The following IGF2BP2 variants were observed in gnomAD, a reference collection of about 807,000 sequenced individuals.
IGF2BP2 encodes insulin-like growth factor 2 mRNA-binding protein 2.
Under a neutral mutation model 75.8 loss-of-function variants are expected in IGF2BP2, and 17 were observed. The ratio of observed to expected loss-of-function variants is 0.22; its 90% CI spans 0.15 to 0.34. The LOEUF is 0.34. Among genes scored for constraint, IGF2BP2 ranks in the 10% least tolerant of loss-of-function variants. The probability of loss-of-function intolerance (pLI) is 1.00; values close to 1 mark genes in which losing one functional copy is unlikely to be tolerated. For synonymous variants in IGF2BP2, 288 were observed against 295.6 expected, an observed-to-expected ratio of 0.97 and a Z score of 0.26; for missense variants, 516 against 772.4, an observed-to-expected ratio of 0.67 and a Z score of 3.93.
chr3:185,691,287 G>A (rs918354161), intron 5 of IGF2BP2, among the ~76,000 whole-genome samples: 19 of 150,904 alleles, frequency 1.3e-4, no homozygotes, highest in African/African-American at 4.4e-4. Flanking sequence ...TAGTAGAGAT[G>A]GGGTTTCTCC....
intron 2 of IGF2BP2, among the ~76,000 whole-genome samples, chr3:185,745,431 T>C (rs769579787): frequency 2.0e-5 from 3 of 152,164 alleles, no homozygotes; most frequent in African/African-American, 4.8e-5. Context: ...AGAGGTTTTA[T>C]AAATATTTAC....
chr3:185,821,222 TA>T, intron 2 of IGF2BP2: 1 of 1,099,094 alleles, frequency 9.1e-7, no homozygotes, highest in Non-Finnish European at 1.2e-6. Flanking sequence ...GTAACTCCTC[TA>T]GAGCAGCAGC....
intron 2 of IGF2BP2, among the ~76,000 whole-genome samples, chr3:185,727,296 ACGCAGAGC>A (rs1403874868): frequency 7.9e-5 from 12 of 152,070 alleles, no homozygotes; most frequent in African/African-American, 2.9e-4. Context: ...AGCAAGGGAG[ACGCAGAGC>A]CCTCCGGAAG....
At chr3:185,799,852 T>C (rs1737968606) in intron 2 of IGF2BP2, among the ~76,000 whole-genome samples, 1 of 152,082 alleles carries the variant, frequency 6.6e-6, no homozygotes, top group Non-Finnish European at 1.5e-5. Flanking sequence ...AGTTCAACCA[T>C]TGTGGAAGAC....
chr3:185,722,536 A>AC, intron 2 of IGF2BP2: 1 of 273,012 alleles, frequency 3.7e-6, no homozygotes. Flanking sequence ...GCTTGGAAGT[A>AC]AGTGATATGG....
intron 2 of IGF2BP2, among the ~76,000 whole-genome samples, chr3:185,810,765 C>T (rs1030523097): frequency 7.3e-6 from 1 of 137,424 alleles, no homozygotes; most frequent in Non-Finnish European, 1.5e-5. Context: ...CAGCGAGACT[C>T]TGTCTCAAAA....
At chr3:185,718,167 CA>C (rs2149451170) in intron 2 of IGF2BP2, 1 of 152,356 alleles carries the variant, frequency 6.6e-6, no homozygotes, top group African/African-American at 2.4e-5. Context: ...TCAAAACACC[CA>C]ATTTGTTTCC....
intron 2 of IGF2BP2, among the ~76,000 whole-genome samples, chr3:185,768,523 C>T (rs576359808): frequency 3.7e-4 from 56 of 152,206 alleles, no homozygotes; most frequent in Middle Eastern, 3.4e-3. Flanking sequence ...TTTAATACTA[C>T]TTAAATATTT....
chr3:185,687,345 G>A (rs1335408389), intron 6 of IGF2BP2, among the ~76,000 whole-genome samples, 154 bp from the exon 7 acceptor site: 2 of 152,236 alleles, frequency 1.3e-5, no homozygotes, highest in Non-Finnish European at 2.9e-5. Context: ...CTCCAAGAAG[G>A]AGGCAAGCAG....
At chr3:185,693,834 G>A (rs1722247774) in intron 4 of IGF2BP2, among the ~76,000 whole-genome samples, 1 of 152,146 alleles carries the variant, frequency 6.6e-6, no homozygotes, top group African/African-American at 2.4e-5. Flanking sequence ...TAAACCTGCT[G>A]TCCAAAGTAA....
At chr3:185,799,834 T>C (rs928699850) in intron 2 of IGF2BP2, among the ~76,000 whole-genome samples, 2 of 150,434 alleles carry the variant, frequency 1.3e-5, no homozygotes, top group Non-Finnish European at 3.0e-5. Context: ...TTGGTGGGAG[T>C]GTAAATTAGT....
rs1713411414 is a variant in IGF2BP2 at position 185,645,768 on chromosome 3, C to T, written c.1708-145G>A. The T allele has an allele frequency of 4.8e-6, 3 of 629,684 alleles. No homozygotes were observed. Among genetic ancestry groups the T allele is most frequent in the East Asian group, 5.5e-5 (2 of 36,396 alleles). The allele number at this position is 629,684 out of a possible 1,614,324, so 39.0% of individuals were successfully genotyped here. A position where few individuals can be genotyped will look rare whatever the true frequency, so the allele number is the denominator to read the frequency against. The stretch of plus-strand genomic sequence containing the variant: ...ATCATCTACCCACCCCCGCACGTTA[C>T]TCCAGGCCCTTTTCTGCCTGGAAGT... On this transcript the variant is annotated intron_variant, in intron 15 of 15. Transcript: ENST00000382199. This position sits in a 1 kb window ranked among gnomAD's most constrained non-coding sequence, Gnocchi z 4.9.
At chr3:185,702,157 A>G (rs546166412) in intron 2 of IGF2BP2, among the ~76,000 whole-genome samples, 16 of 152,260 alleles carry the variant, frequency 1.1e-4, no homozygotes, top group Non-Finnish European at 1.9e-4. Flanking sequence ...TTCATCAAGG[A>G]CAGGTTCCTT....
chr3:185,665,091 G>A (rs1457930550), intron 10 of IGF2BP2, among the ~76,000 whole-genome samples: 1 of 150,864 alleles, frequency 6.6e-6, no homozygotes, highest in African/African-American at 2.4e-5. Flanking sequence ...CTTGAGCCCA[G>A]GAGTTCGAGA....
intron 5 of IGF2BP2, 110 bp downstream of exon 5, chr3:185,692,589 C>T: frequency 1.0e-6 from 1 of 956,094 alleles, no homozygotes; most frequent in Non-Finnish European, 1.6e-6. Context: ...GGCACATATC[C>T]AGCTCAAAGA....
At chr3:185,648,265 T>C (rs1187895689) in intron 14 of IGF2BP2, among the ~76,000 whole-genome samples, 1 of 152,048 alleles carries the variant, frequency 6.6e-6, no homozygotes, top group Admixed American at 6.6e-5. Flanking sequence ...GAGACCAGCC[T>C]GACCTGACCA....
intron 2 of IGF2BP2, among the ~76,000 whole-genome samples, chr3:185,755,748 A>C (rs1731535619): frequency 6.6e-6 from 1 of 152,170 alleles, no homozygotes; most frequent in Non-Finnish European, 1.5e-5. Flanking sequence ...CCTTTCCTTT[A>C]GGGCAATTTC....
chr3:185,809,894 G>C (rs867115796), intron 2 of IGF2BP2, among the ~76,000 whole-genome samples: 16 of 152,052 alleles, frequency 1.1e-4, no homozygotes, highest in African/African-American at 2.9e-4. Flanking sequence ...CCTGTCCAAA[G>C]AAAAAACAAG....
At position 185,643,384 on chromosome 3, in the gene IGF2BP2, T is replaced by C. The variant is rs1205169921; in HGVS notation, c.*2147A>G. On this transcript the variant is annotated 3_prime_UTR_variant, in exon 16 of 16. Coordinates refer to ENST00000382199, the MANE Select transcript of IGF2BP2 (RefSeq NM_006548.6). ...GCTTGACATGCAGTCGATCCATCCC[T>C]CTAGCTCCGAGGTTCGGAAACTTCA... Among the ~76,000 whole-genome samples the C allele has an allele frequency of 1.3e-5, 2 of 152,232 alleles. No homozygotes were observed. The highest frequency in any genetic ancestry group is 3.8e-4 in the East Asian group (2 of 5,202).
Sources: gnomAD v4.1 joint callset for allele counts (sites outside exome capture counted in the v4.1 genomes callset) on GRCh38, gnomAD v4.1.1 for gene constraint, Gnocchi (gnomAD v3.1) non-coding constraint, MANE v1.5 for transcripts, NCBI Gene and HGNC (gene_info 2026-07-23, HGNC 2026-07-21) for gene names.